EYS: variants seen among roughly 807,000 people sequenced by gnomAD.
EYS encodes protein eyes shut homolog.
Under a neutral mutation model 282.1 loss-of-function variants are expected in EYS, and 250 were observed. The observed-to-expected ratio is 0.89, with a 90% CI of 0.80 to 0.98. The LOEUF is 0.98. EYS is among the 50% of genes least tolerant of loss of function. The probability of loss-of-function intolerance (pLI) is 0.00; values close to 1 mark genes in which losing one functional copy is unlikely to be tolerated. For synonymous variants in EYS, 1,355 were observed against 1,282.9 expected (o/e 1.06, Z -1.20); for missense variants, 4,016 against 3,709.0 (o/e 1.08, Z -2.15).
Position 64,590,991 on chromosome 6 carries a change from C to G in EYS, c.4876G>C (p.Val1626Leu). ...EITPSVAFTE[V>L]PSLFPSKKSA... is the part of the protein sequence containing the mutation. ...TTTTTAGAAGGAAATAAAGATGGCA[C>G]TTCTGTGAATGCCACTGATGGTGTT... The change falls in exon 26 of 43, where the codon GTG (valine) becomes CTG (leucine). Residue 1626 changes from valine (V) to leucine (L), a missense_variant. By Grantham distance (32) the Val-to-Leu change is conservative. Coordinates refer to ENST00000503581, the MANE Select transcript of EYS (RefSeq NM_001142800.2). The G allele has an allele frequency of 6.4e-7, 1 of 1,551,288 alleles. No homozygotes were observed. Among genetic ancestry groups the G allele is most frequent in the Non-Finnish European group, 8.7e-7 (1 of 1,146,764 alleles).
intron 33 of EYS, among the ~76,000 whole-genome samples, chr6:64,045,907 A>ATG (rs34431372): frequency 0.34 from 46,988 of 136,704 alleles, 7,873 homozygotes; most frequent in African/African-American, 0.42. Flanking sequence ...TAATACATAT[A>ATG]TGTTTATTAT....
chr6:65,283,368 T>C (rs1299011617), intron 12 of EYS, among the ~76,000 whole-genome samples: 1 of 152,042 alleles, frequency 6.6e-6, no homozygotes, highest in Non-Finnish European at 1.5e-5. Flanking sequence ...ATCAGTTGTT[T>C]ATATGGATTA....
intron 35 of EYS, among the ~76,000 whole-genome samples, chr6:63,915,169 C>A (rs955639492): frequency 6.6e-6 from 1 of 152,188 alleles, no homozygotes; most frequent in African/African-American, 2.4e-5. Context: ...AGCCAACTTT[C>A]TTGTTAGGGG....
chr6:64,876,736 A>C (rs761361851), intron 19 of EYS, among the ~76,000 whole-genome samples: 11 of 152,238 alleles, frequency 7.2e-5, no homozygotes, highest in Non-Finnish European at 1.3e-4. Flanking sequence ...AAGCCTGATA[A>C]AATAATACAG....
chr6:63,864,177 T>G lies in EYS; in HGVS notation c.7228+9A>C. On this transcript the variant is annotated intron_variant, in intron 36 of 42. Transcript: ENST00000503581. ...CTGTGCTCCATGTTTAATAATCAAA[T>G]GCTCTTACCATCAGTGCAGAGGGGT... 2.1e-6 allele frequency: 3 copies of G among 1,457,500 alleles called. No individual in the cohort carries two copies. The highest frequency in any genetic ancestry group is 3.0e-5 in the South Asian group (2 of 67,600). 90.3% of individuals were successfully genotyped at this position (1,457,500 alleles called of 1,614,324 possible).
At position 64,924,860 on chromosome 6, in the gene EYS, C is replaced by G. The variant is rs1768463871; in HGVS notation, c.2382-12117G>C. ...ATCACTATCAGCATTTGGGGCAAAG[C>G]CATTCAACAAGACTCTAGGAAGTTC... On this transcript the variant is annotated intron_variant, in intron 15 of 42. Coordinates refer to ENST00000503581, the MANE Select transcript of EYS (RefSeq NM_001142800.2). 2.0e-5 allele frequency among the ~76,000 whole-genome samples: 3 copies of G among 152,270 alleles called. No individual in the cohort carries two copies. In the East Asian group the frequency reaches 5.8e-4, roughly 29 times the overall value.
intron 29 of EYS, among the ~76,000 whole-genome samples, chr6:64,309,003 A>G (rs942272715): frequency 1.2e-4 from 18 of 152,106 alleles, no homozygotes; most frequent in Non-Finnish European, 2.5e-4. Flanking sequence ...CTGCAGTTAT[A>G]TACTTAATTT....
At chr6:65,653,321 T>G (rs1767718334) in intron 1 of EYS, among the ~76,000 whole-genome samples, 2 of 151,838 alleles carry the variant, frequency 1.3e-5, no homozygotes, top group South Asian at 2.1e-4. Context: ...TGGGCATAGT[T>G]TATATGTAAG....
At chr6:64,140,693 A>T (rs1774312825) in intron 31 of EYS, among the ~76,000 whole-genome samples, 2 of 152,180 alleles carry the variant, frequency 1.3e-5, no homozygotes, top group South Asian at 2.1e-4. Flanking sequence ...AGTCCTTTCT[A>T]CACAGCTGGC....
intron 26 of EYS, among the ~76,000 whole-genome samples, chr6:64,473,979 TATC>T (rs1776195027): frequency 6.6e-6 from 1 of 152,218 alleles, no homozygotes; most frequent in South Asian, 2.1e-4. Flanking sequence ...TGAGTTTACT[TATC>T]AACAACCTTA....
intron 15 of EYS, among the ~76,000 whole-genome samples, chr6:64,927,166 T>G (rs562141791): frequency 6.6e-6 from 1 of 152,284 alleles, no homozygotes; most frequent in South Asian, 2.1e-4. Flanking sequence ...AAAAAAGGAT[T>G]ATTAGCTCGA....
chr6:63,744,569 C>CT (rs780154959), intron 41 of EYS: 4,483 of 146,360 alleles, frequency 0.031, 80 homozygotes, highest in African/African-American at 0.045. Flanking sequence ...TTCTTTCTTT[C>CT]TTTTTTTTTT....
chr6:64,659,678 T>C (rs1481339009), intron 22 of EYS, among the ~76,000 whole-genome samples: 1 of 152,066 alleles, frequency 6.6e-6, no homozygotes, highest in Non-Finnish European at 1.5e-5. Context: ...CTCCCAAGAC[T>C]AAACCAGGAA....
At chr6:65,085,578 G>A (rs1225991969) in intron 12 of EYS, among the ~76,000 whole-genome samples, 7 of 152,002 alleles carry the variant, frequency 4.6e-5, no homozygotes, top group Non-Finnish European at 8.8e-5. Context: ...AAATTAAATA[G>A]GATAACTGAA....
intron 11 of EYS, among the ~76,000 whole-genome samples, chr6:65,316,812 T>C (rs1769306876): frequency 1.3e-5 from 2 of 152,166 alleles, no homozygotes; most frequent in African/African-American, 4.8e-5. Context: ...CACGAACTCA[T>C]CCTTTGTTGT....
chr6:64,351,291 T>C (rs1391529356), intron 29 of EYS, among the ~76,000 whole-genome samples: 2 of 151,544 alleles, frequency 1.3e-5, no homozygotes, highest in South Asian at 4.1e-4. Flanking sequence ...ATGCAAGTTT[T>C]ATTTTTGTCT....
intron 22 of EYS, among the ~76,000 whole-genome samples, chr6:64,693,247 T>G (rs900002216): frequency 1.5e-4 from 23 of 151,958 alleles, no homozygotes; most frequent in African/African-American, 5.6e-4. Flanking sequence ...TCCCAATTGA[T>G]TCAGTCCAAA....
At chr6:65,028,465 AC>A (rs1772490770) in intron 13 of EYS, among the ~76,000 whole-genome samples, 1 of 152,036 alleles carries the variant, frequency 6.6e-6, no homozygotes, top group South Asian at 2.1e-4. Context: ...TAGTACAATT[AC>A]AAAAACCAAT....
intron 12 of EYS, among the ~76,000 whole-genome samples, chr6:65,194,599 A>C (rs1405553363): frequency 1.3e-5 from 2 of 151,976 alleles, no homozygotes; most frequent in Admixed American, 1.3e-4. Context: ...CCTCCAGCAG[A>C]AATCACGTTC....
Sources: allele counts gnomAD v4.1 joint callset (sites outside exome capture counted in the v4.1 genomes callset), GRCh38; gene constraint gnomAD v4.1.1; transcripts MANE v1.5; gene names NCBI Gene and HGNC (gene_info 2026-07-23, HGNC 2026-07-21).